Variants in SPOCK1 observed in about 807,000 individuals in gnomAD.
The protein encoded by SPOCK1 is SPARC (osteonectin), cwcv and kazal like domains proteoglycan 1, also known as testican-1.
SPOCK1 carries 23 observed loss-of-function variants against 55.3 expected under a neutral mutation model. That is an observed-to-expected ratio of 0.42 (90% CI 0.30 to 0.59). The LOEUF (loss-of-function observed/expected upper bound fraction) is 0.59, where lower values mean the gene tolerates loss of function less well. SPOCK1 is among the 20% of genes least tolerant of loss of function. SPOCK1 has a pLI of 0.22. For synonymous variants in SPOCK1, 226 were observed against 221.0 expected (o/e 1.02, Z -0.20); for missense variants, 499 against 552.5 (o/e 0.90, Z 0.97).
intron 3 of SPOCK1, among the ~76,000 whole-genome samples, chr5:137,143,042 T>G (rs576603751): frequency 6.6e-6 from 1 of 152,172 alleles, no homozygotes; most frequent in Non-Finnish European, 1.5e-5. Context: ...GACATGTCAG[T>G]CCTTCATTGC....
chr5:137,317,254 A>G lies in SPOCK1; in HGVS notation c.187-50199T>C, dbSNP rs776941313. ...GGGCTTTGTAAGAAATGTTCAGTCA[A>G]GAAGCAGAAAGAGCCTCTGCTTTTA... On this transcript the variant is annotated intron_variant, in intron 2 of 10. Transcript: ENST00000394945. 7.2e-5 allele frequency among the ~76,000 whole-genome samples: 11 copies of G among 152,230 alleles called. 1 individual carries two copies. The highest frequency in any genetic ancestry group is 2.9e-5 in the Non-Finnish European group (2 of 68,042).
At chr5:137,243,100 T>C (rs1756318921) in intron 3 of SPOCK1, among the ~76,000 whole-genome samples, 1 of 152,230 alleles carries the variant, frequency 6.6e-6, no homozygotes, top group East Asian at 1.9e-4. Flanking sequence ...AATGTGATCT[T>C]TTCTGGGATT....
At chr5:137,207,662 C>T (rs1755543492) in intron 3 of SPOCK1, among the ~76,000 whole-genome samples, 1 of 152,020 alleles carries the variant, frequency 6.6e-6, no homozygotes, top group South Asian at 2.1e-4. Context: ...GGACAAAAGA[C>T]AGGGGTCAGG....
intron 2 of SPOCK1, among the ~76,000 whole-genome samples, chr5:137,494,102 A>G (rs1452234120): frequency 6.6e-6 from 1 of 152,226 alleles, no homozygotes; most frequent in Non-Finnish European, 1.5e-5. Flanking sequence ...TAATTATCCT[A>G]AAGTTAAATG....
At chr5:137,434,677 A>G (rs1184519919) in intron 2 of SPOCK1, among the ~76,000 whole-genome samples, 2 of 148,344 alleles carry the variant, frequency 1.3e-5, no homozygotes, top group African/African-American at 4.9e-5. Flanking sequence ...TTTTTTTTTT[A>G]TTTTTAGTAG....
intron 4 of SPOCK1, among the ~76,000 whole-genome samples, chr5:137,117,238 T>A (rs898063467): frequency 6.6e-6 from 1 of 152,214 alleles, no homozygotes; most frequent in African/African-American, 2.4e-5. Context: ...CCACGTGTCA[T>A]GCAAATTCAA....
intron 2 of SPOCK1, among the ~76,000 whole-genome samples, chr5:137,301,436 C>T (rs1029317185): frequency 6.6e-6 from 1 of 152,174 alleles, no homozygotes; most frequent in African/African-American, 2.4e-5. Flanking sequence ...TCTGCCAACA[C>T]CAGTTGTGAA....
At chr5:137,331,248 T>C (rs1408163784) in intron 2 of SPOCK1, among the ~76,000 whole-genome samples, 1 of 152,200 alleles carries the variant, frequency 6.6e-6, no homozygotes, top group East Asian at 1.9e-4. Context: ...TAAGTCTGCC[T>C]TGTCATCTCT....
chr5:137,257,641 C>G (rs1427167807), intron 3 of SPOCK1, among the ~76,000 whole-genome samples: 1 of 152,222 alleles, frequency 6.6e-6, no homozygotes, highest in Non-Finnish European at 1.5e-5. Flanking sequence ...GATCAGATTT[C>G]ACTTCTGCAG....
At chr5:137,489,329 AC>A (rs1381680900) in intron 2 of SPOCK1, among the ~76,000 whole-genome samples, 2 of 152,100 alleles carry the variant, frequency 1.3e-5, no homozygotes, top group East Asian at 3.9e-4. Context: ...TGAAGGAGCA[AC>A]CCCATGTATA....
chr5:137,004,857 C>T (rs1751215170), intron 6 of SPOCK1, among the ~76,000 whole-genome samples: 1 of 152,160 alleles, frequency 6.6e-6, no homozygotes, highest in Admixed American at 6.5e-5. Context: ...CAAAGAGCTC[C>T]TTCTGAAGTG....
chr5:137,337,248 A>G (rs1481022499), intron 2 of SPOCK1, among the ~76,000 whole-genome samples: 1 of 152,250 alleles, frequency 6.6e-6, no homozygotes, highest in African/African-American at 2.4e-5. Flanking sequence ...AGATACATCA[A>G]GCCTATTTGC....
intron 3 of SPOCK1, among the ~76,000 whole-genome samples, chr5:137,203,083 T>C (rs1247388624): frequency 2.0e-5 from 3 of 152,194 alleles, no homozygotes; most frequent in South Asian, 2.1e-4. Flanking sequence ...CATTTTGTGC[T>C]TAATGAGTAC....
chr5:137,387,992 A>G (rs1751631495), intron 2 of SPOCK1, among the ~76,000 whole-genome samples: 1 of 126,360 alleles, frequency 7.9e-6, no homozygotes, highest in South Asian at 2.2e-4. Context: ...AGTCACAGAG[A>G]GAAGGGACAG....
intron 6 of SPOCK1, among the ~76,000 whole-genome samples, chr5:137,063,371 C>A (rs758248140): frequency 3.0e-5 from 4 of 134,826 alleles, no homozygotes; most frequent in East Asian, 2.2e-4. Context: ...ACAAAGAGAA[C>A]AACAACAACA....
chr5:137,152,940 A>C (rs374291777), intron 3 of SPOCK1, among the ~76,000 whole-genome samples: 1 of 152,232 alleles, frequency 6.6e-6, no homozygotes, highest in East Asian at 1.9e-4. Flanking sequence ...GCCGGAGATA[A>C]TCCAACTAGT....
intron 9 of SPOCK1, 53 bp from the exon 10 acceptor site, chr5:136,979,522 G>A (rs891265219): frequency 1.3e-6 from 2 of 1,593,328 alleles, no homozygotes; most frequent in African/African-American, 2.7e-5. Context: ...TGATACTCGG[G>A]GTTAATGCCC....
intron 2 of SPOCK1, among the ~76,000 whole-genome samples, chr5:137,432,860 A>G (rs1752779025): frequency 6.6e-6 from 1 of 152,212 alleles, no homozygotes. Flanking sequence ...TAACTCGGTA[A>G]GTTGTCAGAC....
chr5:137,325,964 T>A (rs1758068959), intron 2 of SPOCK1, among the ~76,000 whole-genome samples: 1 of 152,116 alleles, frequency 6.6e-6, no homozygotes, highest in East Asian at 1.9e-4. Flanking sequence ...TATCAACAGG[T>A]CAACCTCTAA....
Sources: allele counts gnomAD v4.1 joint callset (sites outside exome capture counted in the v4.1 genomes callset), GRCh38; gene constraint gnomAD v4.1.1; transcripts MANE v1.5; gene names NCBI Gene and HGNC (gene_info 2026-07-23, HGNC 2026-07-21).